The following RYR2 variants were observed in gnomAD, a reference collection of about 807,000 sequenced individuals.
RYR2 encodes the protein cardiac muscle ryanodine receptor-calcium release channel.
RYR2 carries 227 observed loss-of-function variants against 601.1 expected under a neutral mutation model. The ratio of observed to expected loss-of-function variants is 0.38; its 90% CI spans 0.34 to 0.42. The LOEUF is 0.42. Ranked by LOEUF, RYR2 falls within the 10% of genes least tolerant of loss-of-function variation. The pLI, the probability that RYR2 is intolerant of heterozygous loss-of-function variation, is 1.00. For synonymous variants in RYR2, 2,223 were observed against 2,175.1 expected, an observed-to-expected ratio of 1.02 and a Z score of -0.61; for missense variants, 4,646 against 6,156.5, an observed-to-expected ratio of 0.75 and a Z score of 8.21.
intron 1 of RYR2, among the ~76,000 whole-genome samples, chr1:237,133,500 G>A (rs12142661): frequency 0.077 from 11,673 of 152,168 alleles, 645 homozygotes; most frequent in Admixed American, 0.19. Flanking sequence ...GAAGTTGAGA[G>A]GTCTAGTAGT....
At position 237,445,510 on chromosome 1, in the gene RYR2, A is replaced by G. The variant is rs753007912; in HGVS notation, c.1280A>G (p.Asn427Ser). The change falls in exon 14 of 105, where the codon AAT becomes AGT. Residue 427 changes from asparagine (N) to serine (S), a missense_variant. Physicochemically the swap from Asn to Ser is conservative, Grantham distance 46. Coordinates refer to ENST00000366574, the MANE Select transcript of RYR2 (RefSeq NM_001035.3). ...RVIRSTVFLFNRFIRGLDALS... is the reference protein window; with the variant it reads ...RVIRSTVFLFSRFIRGLDALS... Reference sequence around the variant, plus strand: ...ATCCGGAGCACAGTCTTCCTTTTCAATAGATTTATAAGGTACTTTTTCTTT... The same window carrying G: ...ATCCGGAGCACAGTCTTCCTTTTCAGTAGATTTATAAGGTACTTTTTCTTT... The G allele has an allele frequency of 7.4e-6, 12 of 1,613,612 alleles. No homozygotes were observed. Among genetic ancestry groups the G allele is most frequent in the Admixed American group, 1.7e-5 (1 of 59,982 alleles).
chr1:237,545,753 T>TAA (rs57471366), intron 25 of RYR2, among the ~76,000 whole-genome samples: 4 of 128,206 alleles, frequency 3.1e-5, no homozygotes, highest in Non-Finnish European at 5.0e-5. Flanking sequence ...TCTTGAAAAA[T>TAA]AAAAAAAAAA....
chr1:237,707,237 T>G lies in RYR2; in HGVS notation c.9869T>G (p.Ile3290Ser). ...ILKIIYNNLG[I>S]DEGAWMKRLA... ...AAAATCATATATAATAACTTGGGGA[T>G]TGATGAGGGAGCCTGGATGAAGAGG... Residue 3290 changes from isoleucine to serine, a missense_variant, in exon 68 of 105, where the codon ATT becomes AGT. Physicochemically the swap from Ile to Ser is moderately radical, Grantham distance 142 (BLOSUM62 -2). Coordinates refer to ENST00000366574, the MANE Select transcript of RYR2 (RefSeq NM_001035.3). The G allele has an allele frequency of 1.3e-6, 2 of 1,565,262 alleles. No homozygotes were observed. The highest frequency in any genetic ancestry group is 1.7e-6 in the Non-Finnish European group (2 of 1,147,728).
At chr1:237,457,424 G>A (rs2150233505) in intron 16 of RYR2, among the ~76,000 whole-genome samples, 1 of 152,226 alleles carries the variant, frequency 6.6e-6, no homozygotes, top group African/African-American at 2.4e-5. Context: ...AAAAACTAAA[G>A]GGTCTGAGAT....
chr1:237,260,909 A>C (rs765441555), intron 1 of RYR2, among the ~76,000 whole-genome samples: 212 of 152,310 alleles, frequency 1.4e-3, no homozygotes, highest in Non-Finnish European at 2.0e-3. Flanking sequence ...TAGCATGCAA[A>C]CTGAGGACTG....
In RYR2 at chr1:237,591,749, A is replaced by G. The variant is rs371561223; in HGVS notation, c.4171A>G (p.Arg1391Gly). The change falls in exon 32 of 105, where the codon AGA (arginine) becomes GGA (glycine). Residue 1391 changes from arginine to glycine, a missense_variant. Arg to Gly is a moderately radical substitution (Grantham distance 125). Transcript: ENST00000366574. ...PSRLKQRFLL[R>G]RTKPDYSTSH... ...TCTGAAATATTTCAGATTTTTGCTT[A>G]GAAGAACAAAGCCAGATTACAGCAC... The G allele has an allele frequency of 1.9e-6, 3 of 1,612,656 alleles. No individual in the cohort carries two copies. Among genetic ancestry groups the G allele is most frequent in the Middle Eastern group, 1.7e-4 (1 of 6,056 alleles).
At chr1:237,777,152 A>G (rs770410237) in intron 87 of RYR2, among the ~76,000 whole-genome samples, 2 of 152,148 alleles carry the variant, frequency 1.3e-5, no homozygotes, top group Non-Finnish European at 2.9e-5. Context: ...AAGTAACGAA[A>G]TGGAGAGGCT....
chr1:237,742,468 C>A, intron 80 of RYR2, 119 bp downstream of exon 80: 1 of 778,456 alleles, frequency 1.3e-6, no homozygotes, highest in Non-Finnish European at 2.1e-6. Flanking sequence ...TGTCAAGGAA[C>A]TGCATGTCAG....
chr1:237,121,030 C>CTGTGTGTGTGTG (rs146153915), intron 1 of RYR2: 2 of 147,966 alleles, frequency 1.4e-5, no homozygotes, highest in Non-Finnish European at 3.0e-5. Context: ...GTTTAAAATG[C>CTGTGTGTGTGTG]TGTGTGTGTG....
At chr1:237,237,980 T>TCC (rs1685762056) in intron 1 of RYR2, among the ~76,000 whole-genome samples, 1 of 146,726 alleles carries the variant, frequency 6.8e-6, no homozygotes, top group Non-Finnish European at 1.5e-5. Context: ...TCCTTTCCTT[T>TCC]CCTTTCCAAC....
At chr1:237,365,621 C>CA (rs1419949042) in intron 5 of RYR2, among the ~76,000 whole-genome samples, 1 of 152,170 alleles carries the variant, frequency 6.6e-6, no homozygotes, top group African/African-American at 2.4e-5. Context: ...AAAACAACAG[C>CA]AAAATAGGAA....
At position 237,303,424 on chromosome 1, in the gene RYR2, C is replaced by T. The variant is rs536249268; in HGVS notation, c.169-27454C>T. ...AAGTGATTCTCCTGCCTCAGCCTCC[C>T]AAGTAGCTGGGATTACGGGTGCACG... On this transcript the variant is annotated intron_variant, in intron 2 of 104. Coordinates refer to ENST00000366574, the MANE Select transcript of RYR2 (RefSeq NM_001035.3). 6.0e-5 allele frequency among the ~76,000 whole-genome samples: 9 copies of T among 151,138 alleles called. No individual in the cohort carries two copies. In the South Asian group the frequency reaches 1.3e-3, roughly 21 times the overall value.
chr1:237,268,070 T>C (rs926236857), intron 1 of RYR2, among the ~76,000 whole-genome samples: 1 of 152,236 alleles, frequency 6.6e-6, no homozygotes, highest in Non-Finnish European at 1.5e-5. Context: ...TAAGCTCTGT[T>C]ACTCCCACTT....
chr1:237,446,850 T>A (rs1436657574), intron 14 of RYR2, among the ~76,000 whole-genome samples: 1 of 152,236 alleles, frequency 6.6e-6, no homozygotes, highest in Admixed American at 6.5e-5. Context: ...ATTTGTATTC[T>A]TGTAGTTTAA....
chr1:237,266,846 G>A (rs946460491), intron 1 of RYR2, among the ~76,000 whole-genome samples: 15 of 152,078 alleles, frequency 9.9e-5, no homozygotes, highest in Middle Eastern at 3.4e-3. Flanking sequence ...CTCTCTCCTT[G>A]GTAGTATAGC....
intron 24 of RYR2, among the ~76,000 whole-genome samples, chr1:237,521,740 A>C (rs1383984621): frequency 1.5e-5 from 1 of 67,988 alleles, no homozygotes; most frequent in Non-Finnish European, 3.9e-5. Context: ...AAAAAATTAA[A>C]TACATAAAAA....
chr1:237,442,731 T>C (rs932860968), intron 13 of RYR2, among the ~76,000 whole-genome samples: 2 of 152,192 alleles, frequency 1.3e-5, no homozygotes, highest in African/African-American at 4.8e-5. Context: ...GAATGCCTCA[T>C]GTTCTGGATG....
intron 1 of RYR2, among the ~76,000 whole-genome samples, chr1:237,088,147 C>CT (rs879366180): frequency 5.8e-4 from 87 of 150,208 alleles, no homozygotes; most frequent in Non-Finnish European, 9.8e-4. Flanking sequence ...CTTGACTGTA[C>CT]TTTTTTTTTT....
chr1:237,208,980 A>ATAT (rs56680031), intron 1 of RYR2, among the ~76,000 whole-genome samples: 19,595 of 116,594 alleles, frequency 0.17, 2,342 homozygotes, highest in East Asian at 0.34. Context: ...ATATATATAT[A>ATAT]TATATGTATA....
Sources: allele counts gnomAD v4.1 joint callset (sites outside exome capture counted in the v4.1 genomes callset), GRCh38; gene constraint gnomAD v4.1.1; transcripts MANE v1.5; gene names NCBI Gene and HGNC (gene_info 2026-07-23, HGNC 2026-07-21).